The following SBNO2 variants were observed in gnomAD, a reference collection of about 807,000 sequenced individuals.
SBNO2 encodes the protein protein strawberry notch homolog 2.
In SBNO2, 89 loss-of-function variants were observed where a neutral mutation model predicts 146.3. The ratio of observed to expected loss-of-function variants is 0.61; its 90% CI spans 0.51 to 0.73. The LOEUF (loss-of-function observed/expected upper bound fraction) is 0.73, where lower values mean the gene tolerates loss of function less well. Ranked by LOEUF, SBNO2 falls within the 30% of genes least tolerant of loss-of-function variation. The pLI is 0.00. For missense variants in SBNO2, 2,092 were observed against 2,003.7 expected (o/e 1.04, Z -0.84); for synonymous variants, 1,147 against 892.6 (o/e 1.29, Z -5.08).
rs753639305 is a variant in SBNO2, at chr19:1,108,798, C to T, written c.3597G>A (p.Lys1199=). Residue 1199 remains lysine, a synonymous_variant, in exon 31 of 32, where the codon AAG becomes AAA. Transcript: ENST00000361757. ...SYLQIVRLKT[K]DRKKQVGIKI... is the part of the protein sequence containing the mutation. Reference sequence around the variant, plus strand: ...ACTCACCCACTTGCTTCTTCCTGTCCTTGGTCTTCAGCCGCACGATCTGCA... The same window carrying T: ...ACTCACCCACTTGCTTCTTCCTGTCTTTGGTCTTCAGCCGCACGATCTGCA... The T allele has an allele frequency of 3.7e-6, 6 of 1,603,206 alleles. No individual in the cohort carries two copies. Among genetic ancestry groups the T allele is most frequent in the East Asian group, 2.2e-5 (1 of 44,822 alleles).
At chr19:1,148,418 C>T (rs2080214460) in intron 3 of SBNO2, among the ~76,000 whole-genome samples, 1 of 151,764 alleles carries the variant, frequency 6.6e-6, no homozygotes, top group Non-Finnish European at 1.5e-5. Flanking sequence ...CAACTCCTAC[C>T]CCCCCTGCAG....
At position 1,154,347 on chromosome 19, in the gene SBNO2, G is replaced by A. The variant is rs1000473990; in HGVS notation, c.-71C>T. On this transcript the variant is annotated 5_prime_UTR_variant, in exon 2 of 32. Coordinates refer to ENST00000361757, the MANE Select transcript of SBNO2 (RefSeq NM_014963.3). The stretch of plus-strand genomic sequence containing the variant: ...GGACTCCAGGACCCGGGGCCGCCGG[G>A]GCGTCTATCTGGGCTTCTCGCTCCG... 5.9e-6 allele frequency: 5 copies of A among 852,066 alleles called. No individual in the cohort carries two copies. In the African/African-American group the frequency reaches 7.0e-5, roughly 12 times the overall value. 52.8% of individuals were successfully genotyped at this position (852,066 alleles called of 1,614,324 possible). A position where few individuals can be genotyped will look rare whatever the true frequency, so the allele number is the denominator to read the frequency against.
rs972157434 is a variant in SBNO2, at chr19:1,150,109, G to C, written c.94-667C>G. On this transcript the variant is annotated intron_variant, in intron 2 of 31. Transcript: ENST00000361757. This position sits in a 1 kb window ranked among gnomAD's most constrained non-coding sequence, Gnocchi z 6.2. Reference sequence around the variant, plus strand: ...AGGCGTGAGTGGCTCCAGGTTGGCCGAATCTCTGGTGGGTCTGACTCCAGG... The same window carrying C: ...AGGCGTGAGTGGCTCCAGGTTGGCCCAATCTCTGGTGGGTCTGACTCCAGG... 4.6e-5 allele frequency among the ~76,000 whole-genome samples: 7 copies of C among 152,130 alleles called. No homozygotes were observed. Among genetic ancestry groups the C allele is most frequent in the Non-Finnish European group, 8.8e-5 (6 of 68,004 alleles).
chr19:1,153,289 G>A (rs1374874729), intron 2 of SBNO2, among the ~76,000 whole-genome samples: 1 of 150,156 alleles, frequency 6.7e-6, no homozygotes, highest in Non-Finnish European at 1.5e-5. Flanking sequence ...CCAGGCTGGA[G>A]TGCAGTGGTG....
At position 1,117,419 on chromosome 19, in the gene SBNO2, G is replaced by A. The variant is rs755349965; in HGVS notation, c.1608C>T (p.Phe536=). 1.3e-6 allele frequency: 2 copies of A among 1,591,168 alleles called. No individual in the cohort carries two copies. The highest frequency in any genetic ancestry group is 1.1e-5 in the South Asian group (1 of 87,280). ...LESRKSLWGQ[F]WSAHQRFFKY... ...TGAAGAAGCGCTGGTGTGCCGACCA[G>A]AACTGGCCCCACAGGGACTTGCGCG... Residue 536 remains phenylalanine (F), a synonymous_variant, in exon 15 of 32, where the codon TTC becomes TTT. Transcript: ENST00000361757.
At position 1,157,714 on chromosome 19, in the gene SBNO2, T is replaced by TG. The variant is rs2080305284; in HGVS notation, c.-126-3313dup. Among the ~76,000 whole-genome samples the TG allele has an allele frequency of 1.3e-5, 2 of 152,266 alleles. No individual in the cohort carries two copies. Among genetic ancestry groups the TG allele is most frequent in the Admixed American group, 1.3e-4 (2 of 15,296 alleles). ...TAAAAGAGAACGATGAAGGTGCTGG[T>TG]GGCCCAGACAGGACAACCACTGGGA... On this transcript the variant is annotated intron_variant, in intron 1 of 31. Coordinates refer to ENST00000361757, the MANE Select transcript of SBNO2 (RefSeq NM_014963.3). The surrounding 1 kb of genome is among the most constrained non-coding windows in gnomAD (Gnocchi z 6.8).
chr19:1,122,646 G>A lies in SBNO2; in HGVS notation c.914+12C>T. 7.8e-7 allele frequency: 1 copy of A among 1,287,390 alleles called. No individual in the cohort carries two copies. The highest frequency in any genetic ancestry group is 1.0e-6 in the Non-Finnish European group (1 of 992,296). 79.7% of individuals were successfully genotyped at this position (1,287,390 alleles called of 1,614,324 possible). Reference sequence around the variant, plus strand: ...CCCCCGCTCCCGCCCCCTGCCCCAGGCAGGGCCTCACCACAATGCTTTCTT... The same window carrying A: ...CCCCCGCTCCCGCCCCCTGCCCCAGACAGGGCCTCACCACAATGCTTTCTT... On this transcript the variant is annotated intron_variant, in intron 9 of 31. Transcript: ENST00000361757.
At chr19:1,114,048 A>G (rs1411475583) in intron 18 of SBNO2, among the ~76,000 whole-genome samples, 183 bp downstream of exon 18, 1 of 152,144 alleles carries the variant, frequency 6.6e-6, no homozygotes, top group Admixed American at 6.5e-5. Context: ...CCCATCTGTA[A>G]AGTGGGCACC....
chr19:1,163,262 C>T (rs930428705), intron 1 of SBNO2, among the ~76,000 whole-genome samples: 1 of 152,214 alleles, frequency 6.6e-6, no homozygotes, highest in East Asian at 1.9e-4. Context: ...AAAAGAGGAA[C>T]GTGGACACCC....
intron 4 of SBNO2, among the ~76,000 whole-genome samples, chr19:1,134,659 C>T (rs1208136516): frequency 6.6e-6 from 1 of 152,142 alleles, no homozygotes; most frequent in African/African-American, 2.4e-5. Context: ...TGGGGAGTGA[C>T]AGCTGATGGG....
Position 1,110,945 on chromosome 19 carries a change from G to A in SBNO2, c.2885-57C>T. The stretch of plus-strand genomic sequence containing the variant: ...CGCTGGGAATCCCTCTCCCTGCTTT[G>A]CTCACCACCCGAGGCCAAGGTTGCA... On this transcript the variant is annotated intron_variant, in intron 25 of 31. Transcript: ENST00000361757. The surrounding 1 kb of genome is among the most constrained non-coding windows in gnomAD (Gnocchi z 4.9). 6.2e-7 allele frequency: 1 copy of A among 1,610,896 alleles called. No individual in the cohort carries two copies. The highest frequency in any genetic ancestry group is 8.5e-7 in the Non-Finnish European group (1 of 1,177,810).
chr19:1,147,436 G>GT lies in SBNO2; in HGVS notation c.168-17_168-16insA, dbSNP rs766045603. 11 of 1,301,190 alleles carry GT rather than the reference G, an allele frequency of 8.5e-6. No individual in the cohort carries two copies. The highest frequency in any genetic ancestry group is 2.7e-5 in the East Asian group (1 of 37,014). 80.6% of individuals were successfully genotyped at this position (1,301,190 alleles called of 1,614,324 possible). On this transcript the variant is annotated splice_polypyrimidine_tract_variant and intron_variant, in intron 3 of 31. Coordinates refer to ENST00000361757, the MANE Select transcript of SBNO2 (RefSeq NM_014963.3). ...CATGAACGGGCTGGAGGGAGATGGG[G>GT]GGGGGGGAGGTGAGATGGGGTGCTC...
At chr19:1,152,294 C>A (rs2080249665) in intron 2 of SBNO2, among the ~76,000 whole-genome samples, 1 of 152,222 alleles carries the variant, frequency 6.6e-6, no homozygotes, top group African/African-American at 2.4e-5. Flanking sequence ...CCATAATTCG[C>A]TTAATTATTT....
intron 2 of SBNO2, among the ~76,000 whole-genome samples, chr19:1,152,080 C>T (rs773262985): frequency 1.2e-4 from 19 of 152,192 alleles, no homozygotes; most frequent in Non-Finnish European, 2.2e-4. Context: ...TGACGGAACC[C>T]GGAACAGGGA....
rs907112742 is a variant in SBNO2 at position 1,136,874 on chromosome 19, C to T, written c.280-9109G>A. Among the ~76,000 whole-genome samples, 4 of 152,022 alleles carry T rather than the reference C, an allele frequency of 2.6e-5. No homozygotes were observed. Among genetic ancestry groups the T allele is most frequent in the Non-Finnish European group, 5.9e-5 (4 of 67,998 alleles). On this transcript the variant is annotated intron_variant, in intron 4 of 31. Coordinates refer to ENST00000361757, the MANE Select transcript of SBNO2 (RefSeq NM_014963.3). This position sits in a 1 kb window ranked among gnomAD's most constrained non-coding sequence, Gnocchi z 4.2. ...GGCTGCCAGGCAGAGAGTGTTGTTA[C>T]CGGACAGCTGCGTTCCCAATGGTCC...
chr19:1,157,425 C>T lies in SBNO2; in HGVS notation c.-126-3023G>A, dbSNP rs1405663240. Among the ~76,000 whole-genome samples the T allele has an allele frequency of 2.6e-5, 4 of 152,008 alleles. No individual in the cohort carries two copies. Among genetic ancestry groups the T allele is most frequent in the African/African-American group, 7.3e-5 (3 of 41,354 alleles). On this transcript the variant is annotated intron_variant, in intron 1 of 31. Transcript: ENST00000361757. This position sits in a 1 kb window ranked among gnomAD's most constrained non-coding sequence, Gnocchi z 6.8. The stretch of plus-strand genomic sequence containing the variant: ...CCCCACGCGGCCCCGGAGACCCTCT[C>T]CCCACGCGGCCCCGGTGACACGGCC...
intron 2 of SBNO2, among the ~76,000 whole-genome samples, chr19:1,151,159 C>T (rs1400094477): frequency 6.6e-6 from 1 of 152,238 alleles, no homozygotes; most frequent in Non-Finnish European, 1.5e-5. Flanking sequence ...CCATGTGGCA[C>T]ATCCGGAACA....
chr19:1,122,824 G>A (rs1238411845), intron 8 of SBNO2, 33 bp from the exon 9 acceptor site: 2 of 1,537,982 alleles, frequency 1.3e-6, no homozygotes, highest in Non-Finnish European at 1.7e-6. Flanking sequence ...AGGGCCTGGG[G>A]GTGCTGGCCC....
chr19:1,142,350 G>A (rs1392886450), intron 4 of SBNO2, among the ~76,000 whole-genome samples: 1 of 144,458 alleles, frequency 6.9e-6, no homozygotes, highest in African/African-American at 2.5e-5. Flanking sequence ...GTGCTGCGGA[G>A]TCCACTGGCC....
Sources: allele counts gnomAD v4.1 joint callset (sites outside exome capture counted in the v4.1 genomes callset), GRCh38; gene constraint gnomAD v4.1.1; non-coding constraint Gnocchi (gnomAD v3.1); transcripts MANE v1.5; gene names NCBI Gene and HGNC (gene_info 2026-07-23, HGNC 2026-07-21).